Variants in KDM6A observed in about 807,000 individuals in gnomAD.
The protein encoded by KDM6A is lysine demethylase 6A, also known as lysine-specific demethylase 6A.
In KDM6A, 11 loss-of-function variants were observed where a neutral mutation model predicts 117.6. That is an observed-to-expected ratio of 0.09 (90% CI 0.06 to 0.15). The LOEUF (loss-of-function observed/expected upper bound fraction) is 0.15. KDM6A is among the 10% of genes least tolerant of loss of function. The pLI is 1.00. For synonymous variants in KDM6A, 384 were observed against 396.1 expected (o/e 0.97, Z 0.36); for missense variants, 799 against 1,077.3 (o/e 0.74, Z 3.62).
chrX:45,004,293 T>A (rs189404425), intron 4 of KDM6A, among the ~76,000 whole-genome samples: 1 of 111,327 alleles, frequency 9.0e-6, no homozygotes, highest in East Asian at 2.9e-4. Flanking sequence ...CCCTTTATAG[T>A]TTCTAGCTCC....
intron 17 of KDM6A, 21 bp from the exon 18 acceptor site, chrX:45,069,558 A>G: frequency 8.4e-7 from 1 of 1,194,721 alleles, no homozygotes. Context: ...TTAGATTTAA[A>G]CTATTTTTCT....
At chrX:44,979,968 C>T (rs1327711948) in intron 4 of KDM6A, among the ~76,000 whole-genome samples, 2 of 105,580 alleles carry the variant, frequency 1.9e-5, no homozygotes, top group African/African-American at 6.8e-5. Flanking sequence ...AATGTAAGTT[C>T]CCTGTATTAT....
rs34006049 is a variant in KDM6A at position 44,958,604 on chromosome X, C to CTTTTTTTT, written c.226-2662_226-2655dup. ...TTCTGTGTGGGACAACTATATAGAC[C>CTTTTTTTT]TTTTTTTTTTTTTTTTTTTTTTTTT... On this transcript the variant is annotated intron_variant, in intron 2 of 29. Coordinates refer to ENST00000611820, the MANE Select transcript of KDM6A (RefSeq NM_001291415.2). Among the ~76,000 whole-genome samples the CTTTTTTTT allele has an allele frequency of 9.9e-4, 56 of 56,449 alleles. 1 individual carries two copies. Among genetic ancestry groups the CTTTTTTTT allele is most frequent in the African/African-American group, 4.0e-3 (39 of 9,854 alleles). 49.0% of individuals were successfully genotyped at this position (56,449 alleles called of 115,157 possible).
intron 1 of KDM6A, 65 bp downstream of exon 1, chrX:44,873,777 C>T: frequency 1.3e-5 from 15 of 1,151,165 alleles, no homozygotes; most frequent in East Asian, 3.3e-5. Flanking sequence ...CCGGGAGGAC[C>T]GAGCGCGGCT....
chrX:45,037,731 A>G (rs772976046), intron 8 of KDM6A, 42 bp downstream of exon 8: 2 of 1,005,603 alleles, frequency 2.0e-6, no homozygotes, highest in South Asian at 1.9e-5. Context: ...AAAGCAAACA[A>G]AAATCATTAC....
chrX:45,051,761 A>G lies in KDM6A; in HGVS notation c.707A>G (p.Asn236Ser). 1 of 1,188,933 alleles carries G rather than the reference A, an allele frequency of 8.4e-7. No homozygotes were observed. Among genetic ancestry groups the G allele is most frequent in the Non-Finnish European group, 1.1e-6 (1 of 876,092 alleles). ...EAYEQLLQTE[N>S]LSAQVKATVL... ...TATGAACAACTTTTGCAGACAGAGAATCTTTCTGCACAAGTAAAAGCAACT... is the reference window on the plus strand; with the variant it reads ...TATGAACAACTTTTGCAGACAGAGAGTCTTTCTGCACAAGTAAAAGCAACT... Residue 236 changes from asparagine to serine, a missense_variant, in exon 9 of 30, where the codon AAT (asparagine) becomes AGT (serine). Asn to Ser is a conservative substitution (Grantham distance 46). Coordinates refer to ENST00000611820, the MANE Select transcript of KDM6A (RefSeq NM_001291415.2).
chrX:44,988,813 G>C (rs139944660), intron 4 of KDM6A, among the ~76,000 whole-genome samples: 2 of 110,881 alleles, frequency 1.8e-5, no homozygotes, highest in Non-Finnish European at 3.8e-5. Context: ...GTGTCAGTCT[G>C]CCCCTACTGG....
At chrX:44,898,685 C>T (rs2034083498) in intron 2 of KDM6A, among the ~76,000 whole-genome samples, 1 of 111,732 alleles carries the variant, frequency 8.9e-6, no homozygotes, top group African/African-American at 3.3e-5. Flanking sequence ...ACACCGCTTG[C>T]TCTTACTGGG....
chrX:44,892,751 C>T (rs772038412), intron 2 of KDM6A, among the ~76,000 whole-genome samples: 1 of 109,474 alleles, frequency 9.1e-6, no homozygotes, highest in African/African-American at 3.3e-5. Context: ...TGCCTGTAAT[C>T]CCAGCACTTT....
intron 2 of KDM6A, among the ~76,000 whole-genome samples, chrX:44,891,707 T>C (rs1362207660): frequency 8.9e-6 from 1 of 111,958 alleles, no homozygotes; most frequent in African/African-American, 3.2e-5. Flanking sequence ...GGCAGGGTCA[T>C]TTATAACCTG....
chrX:44,942,943 C>T (rs751297896), intron 2 of KDM6A, among the ~76,000 whole-genome samples: 1 of 110,886 alleles, frequency 9.0e-6, no homozygotes, highest in South Asian at 3.8e-4. Context: ...CACAGTCTAC[C>T]TTCAAATAAT....
intron 18 of KDM6A, 147 bp from the exon 19 acceptor site, chrX:45,076,550 G>GT (rs1456655893): frequency 2.2e-6 from 1 of 449,812 alleles, no homozygotes; most frequent in Non-Finnish European, 3.9e-6. Context: ...CATTCTTAGT[G>GT]TTTTTCCTGA....
At position 45,000,143 on chromosome X, in the gene KDM6A, A is replaced by G. The variant is rs889045338; in HGVS notation, c.385-10818A>G. Reference sequence around the variant, plus strand: ...TAAGGCTATCCTGTTTTCCCCAGCCATCTGGCTAGTTGCCCCTAGTTGTTC... The same window carrying G: ...TAAGGCTATCCTGTTTTCCCCAGCCGTCTGGCTAGTTGCCCCTAGTTGTTC... On this transcript the variant is annotated intron_variant, in intron 4 of 29. Transcript: ENST00000611820. Among the ~76,000 whole-genome samples, 3 of 112,168 alleles carry G rather than the reference A, an allele frequency of 2.7e-5. No individual in the cohort carries two copies. In the East Asian group the frequency reaches 8.4e-4, roughly 31 times the overall value.
At chrX:45,076,964 G>A (rs1395920286) in intron 19 of KDM6A, 138 bp downstream of exon 19, 4 of 499,625 alleles carry the variant, frequency 8.0e-6, no homozygotes, top group Admixed American at 3.5e-5. Flanking sequence ...GGGGGCGGGG[G>A]GGAAGATATA....
intron 2 of KDM6A, among the ~76,000 whole-genome samples, chrX:44,882,040 C>G (rs1378570427): frequency 1.8e-5 from 2 of 111,435 alleles, no homozygotes; most frequent in East Asian, 2.8e-4. Context: ...TAAGTTTATT[C>G]TCAGGAAGAA....
chrX:44,913,744 GTATATATA>G (rs762465433), intron 2 of KDM6A, among the ~76,000 whole-genome samples: 1 of 107,345 alleles, frequency 9.3e-6, no homozygotes, highest in Admixed American at 9.9e-5. Flanking sequence ...GTGTGTGTGC[GTATATATA>G]TATATATGTA....
rs754624415 is a variant in KDM6A, at chrX:45,076,766, A to G, written c.2928A>G (p.Pro976=). The part of the protein sequence containing the change: ...LLDKCPPPRP[P]SSPYPPLPKD... ...ATAAATGTCCACCTCCAAGACCACCATCTTCACCATACCCTCCCTTGCCAA... is the reference window on the plus strand; with the variant it reads ...ATAAATGTCCACCTCCAAGACCACCGTCTTCACCATACCCTCCCTTGCCAA... Residue 976 remains proline, a synonymous_variant, in exon 19 of 30, where the codon CCA becomes CCG. Transcript: ENST00000611820. The G allele has an allele frequency of 2.5e-6, 3 of 1,187,755 alleles. No individual in the cohort carries two copies. The highest frequency in any genetic ancestry group is 3.4e-6 in the Non-Finnish European group (3 of 875,564).
chrX:45,008,826 T>C (rs964551159), intron 4 of KDM6A, among the ~76,000 whole-genome samples: 16 of 112,027 alleles, frequency 1.4e-4, no homozygotes, highest in Non-Finnish European at 3.0e-4. Context: ...AAATGGATGT[T>C]GTCTGAGACC....
chrX:44,964,057 A>G (rs1602367055), intron 3 of KDM6A, among the ~76,000 whole-genome samples: 2 of 110,760 alleles, frequency 1.8e-5, no homozygotes, highest in African/African-American at 3.3e-5. Context: ...ATCAAGAATG[A>G]TGAATCTTTT....
Sources: allele counts gnomAD v4.1 joint callset (sites outside exome capture counted in the v4.1 genomes callset), GRCh38; gene constraint gnomAD v4.1.1; transcripts MANE v1.5; gene names NCBI Gene and HGNC (gene_info 2026-07-23, HGNC 2026-07-21).